SNX29: variants seen among roughly 807,000 people sequenced by gnomAD.
SNX29 encodes sorting nexin 29.
A neutral mutation model predicts 102.1 loss-of-function variants in SNX29; 78 were observed. The observed-to-expected ratio is 0.76, with a 90% confidence interval of 0.64 to 0.92. The LOEUF (loss-of-function observed/expected upper bound fraction) is 0.92, where lower values mean the gene tolerates loss of function less well. Ranked by LOEUF, SNX29 falls within the 40% of genes least tolerant of loss-of-function variation. The pLI is 0.00. For synonymous variants in SNX29, 580 were observed against 414.5 expected (o/e 1.40, Z -4.85); for missense variants, 1,280 against 1,061.7 (o/e 1.21, Z -2.86).
intron 15 of SNX29, among the ~76,000 whole-genome samples, chr16:12,308,659 C>T (rs2080428207): frequency 6.6e-6 from 1 of 152,154 alleles, no homozygotes. Flanking sequence ...AGGTATAAGG[C>T]AGACTCTTGC....
At chr16:12,019,587 TATATATAGATAG>T (rs1338037669) in intron 3 of SNX29, among the ~76,000 whole-genome samples, 1,141 of 79,320 alleles carry the variant, frequency 0.014, 23 homozygotes, top group African/African-American at 0.048. Context: ...TGTAAATATA[TATATATAGATAG>T]ATAGATAGAT....
At chr16:11,997,256 C>G (rs1318862065) in intron 1 of SNX29, among the ~76,000 whole-genome samples, 2 of 152,154 alleles carry the variant, frequency 1.3e-5, no homozygotes, top group Admixed American at 6.6e-5. Flanking sequence ...GAGCCTCTCC[C>G]CTTGCTGTTT....
chr16:12,525,481 T>C (rs1259035668), intron 20 of SNX29, among the ~76,000 whole-genome samples: 1 of 152,132 alleles, frequency 6.6e-6, no homozygotes, highest in South Asian at 2.1e-4. Context: ...GAGACCAGCA[T>C]GGCCAACATG....
At chr16:12,440,420 C>A (rs1051919755) in intron 18 of SNX29, among the ~76,000 whole-genome samples, 1 of 152,196 alleles carries the variant, frequency 6.6e-6, no homozygotes, top group East Asian at 1.9e-4. Context: ...CCCTTGGAAG[C>A]CAGTAATCGA....
At chr16:12,406,657 C>T (rs1442164059) in intron 18 of SNX29, among the ~76,000 whole-genome samples, 2 of 152,190 alleles carry the variant, frequency 1.3e-5, no homozygotes, top group African/African-American at 4.8e-5. Flanking sequence ...CCTATAATCC[C>T]AGCACTTTGG....
chr16:12,296,712 A>T (rs993802915), intron 15 of SNX29, among the ~76,000 whole-genome samples: 1 of 152,234 alleles, frequency 6.6e-6, no homozygotes, highest in Admixed American at 6.5e-5. Context: ...TGGTTATACC[A>T]TTAGTATCAG....
intron 18 of SNX29, among the ~76,000 whole-genome samples, chr16:12,469,014 G>A (rs769004852): frequency 6.6e-6 from 1 of 152,206 alleles, no homozygotes; most frequent in African/African-American, 2.4e-5. Context: ...AGTTCTCTCC[G>A]AGACACAGGG....
chr16:12,456,720 G>T (rs1399461634), intron 18 of SNX29, among the ~76,000 whole-genome samples: 2 of 152,126 alleles, frequency 1.3e-5, no homozygotes, highest in African/African-American at 4.8e-5. Flanking sequence ...GTATCTGGTG[G>T]AGTATGTGCA....
chr16:12,572,849 T>C lies in SNX29; in HGVS notation c.*4220T>C. On this transcript the variant is annotated 3_prime_UTR_variant, in exon 21 of 21. Transcript: ENST00000566228. ...CAGAAGGGGCAGCCTCATGCCCAGG[T>C]TTCAGCCCTAAAGGTAATGATTGTC... 1 of 1,063,738 alleles carries C rather than the reference T, an allele frequency of 9.4e-7. No homozygotes were observed. The highest frequency in any genetic ancestry group is 1.1e-6 in the Non-Finnish European group (1 of 878,188). 65.9% of individuals were successfully genotyped at this position (1,063,738 alleles called of 1,614,324 possible).
At chr16:12,324,518 C>A (rs2081057130) in intron 15 of SNX29, among the ~76,000 whole-genome samples, 1 of 152,114 alleles carries the variant, frequency 6.6e-6, no homozygotes, top group Non-Finnish European at 1.5e-5. Context: ...AGGCGATCCT[C>A]TGCCTCAGCC....
chr16:12,295,789 C>G (rs1246386367), intron 15 of SNX29, among the ~76,000 whole-genome samples: 1 of 151,802 alleles, frequency 6.6e-6, no homozygotes, highest in Non-Finnish European at 1.5e-5. Context: ...TTTCCTCACT[C>G]CCTTCAAGTA....
intron 18 of SNX29, among the ~76,000 whole-genome samples, chr16:12,454,078 A>G (rs914377190): frequency 5.9e-5 from 9 of 152,326 alleles, no homozygotes; most frequent in South Asian, 2.1e-4. Flanking sequence ...AGATCTGGCC[A>G]GTAAGATATA....
At chr16:12,481,615 A>G (rs960383415) in intron 19 of SNX29, among the ~76,000 whole-genome samples, 1 of 150,926 alleles carries the variant, frequency 6.6e-6, no homozygotes, top group Non-Finnish European at 1.5e-5. Context: ...CCTCACAGCA[A>G]CCTCCGTCTC....
intron 20 of SNX29, chr16:12,556,384 A>C (rs568967540): frequency 1.3e-5 from 2 of 152,364 alleles, no homozygotes; most frequent in South Asian, 2.1e-4. Context: ...AATTGTAGGC[A>C]CTGGCAATAT....
chr16:12,403,965 G>C (rs1005349564), intron 18 of SNX29, among the ~76,000 whole-genome samples: 1 of 152,168 alleles, frequency 6.6e-6, no homozygotes, highest in African/African-American at 2.4e-5. Flanking sequence ...AGCAGCGCCA[G>C]GTTCTCAGCC....
At chr16:12,100,850 G>A (rs993413116) in intron 11 of SNX29, among the ~76,000 whole-genome samples, 6 of 152,150 alleles carry the variant, frequency 3.9e-5, no homozygotes, top group Non-Finnish European at 7.4e-5. Flanking sequence ...CTGGGGGACA[G>A]CAGGGAGGGC....
rs3803608 is a variant in SNX29 at position 12,572,604 on chromosome 16, C to A, written c.*3975C>A. The A allele has an allele frequency of 2.8e-6, 3 of 1,064,000 alleles. No homozygotes were observed. The highest frequency in any genetic ancestry group is 1.6e-5 in the African/African-American group (1 of 60,918). The allele number at this position is 1,064,000 out of a possible 1,614,324, so 65.9% of individuals were successfully genotyped here. ...TCTCTGGGCTCCCAGTGAGCCCCCT[C>A]CCCTCCGGCTACCCCCAGAATCCAT... is the stretch of plus-strand genomic sequence containing the variant. On this transcript the variant is annotated 3_prime_UTR_variant, in exon 21 of 21. Coordinates refer to ENST00000566228, the MANE Select transcript of SNX29 (RefSeq NM_032167.5).
intron 11 of SNX29, among the ~76,000 whole-genome samples, chr16:12,092,253 G>A (rs1223161909): frequency 6.6e-6 from 1 of 151,704 alleles, no homozygotes; most frequent in Non-Finnish European, 1.5e-5. Context: ...CCCAAATCCT[G>A]CCTGACAAGT....
rs375406814 is a variant in SNX29, at chr16:12,249,634, A to G, written c.1679-28299A>G. ...CATGTAACCACTCTCTATTGATAGG[A>G]CCCCAGGGAAATTGCTGAGCTTTTC... On this transcript the variant is annotated intron_variant, in intron 14 of 20. Transcript: ENST00000566228. Among the ~76,000 whole-genome samples, 6 of 152,126 alleles carry G rather than the reference A, an allele frequency of 3.9e-5. No individual in the cohort carries two copies. The East Asian group carries it at 9.6e-4, about 24-fold the overall frequency.
Sources: allele counts gnomAD v4.1 joint callset (sites outside exome capture counted in the v4.1 genomes callset), GRCh38; gene constraint gnomAD v4.1.1; transcripts MANE v1.5; gene names NCBI Gene and HGNC (gene_info 2026-07-23, HGNC 2026-07-21).